The following NME9 variants were observed in gnomAD, a reference collection of about 807,000 sequenced individuals.
NME9 encodes NME/NM23 family member 9, also known as thioredoxin domain-containing protein 6.
Under a neutral mutation model 44.4 loss-of-function variants are expected in NME9, and 48 were observed. That is an observed-to-expected ratio of 1.08 (90% confidence interval 0.86 to 1.37). The LOEUF is 1.37. Ranked by LOEUF, NME9 falls within the 40% of genes most tolerant of loss-of-function variation. The pLI, the probability that NME9 is intolerant of heterozygous loss-of-function variation, is 0.00. For synonymous variants in NME9, 139 were observed against 147.1 expected, an observed-to-expected ratio of 0.94 and a Z score of 0.40; for missense variants, 325 against 405.2, an observed-to-expected ratio of 0.80 and a Z score of 1.70.
chr3:138,270,286 G>T (rs1167752822), intron 8 of NME9, among the ~76,000 whole-genome samples: 1 of 152,104 alleles, frequency 6.6e-6, no homozygotes, highest in Admixed American at 6.5e-5. Context: ...GACCTAGAAG[G>T]CTTAGTATTA....
At chr3:138,308,390 C>T (rs116555642) in intron 6 of NME9, among the ~76,000 whole-genome samples, 7,051 of 152,044 alleles carry the variant, frequency 0.046, 233 homozygotes, top group Middle Eastern at 0.082. Flanking sequence ...CAAGAGACAC[C>T]GTCCCAGCAA....
At chr3:138,270,013 ATT>A (rs112482442) in intron 8 of NME9, 2 of 1,420,848 alleles carry the variant, frequency 1.4e-6, no homozygotes, top group South Asian at 1.2e-5. Flanking sequence ...TAAAGCTGTG[ATT>A]TTTTTTTTCC....
intron 10 of NME9, 103 bp downstream of exon 10, chr3:138,303,404 C>A: frequency 1.1e-6 from 1 of 869,808 alleles, no homozygotes. Context: ...AGGTTGAAGA[C>A]TTAGTTACCA....
intron 8 of NME9, chr3:138,289,175 C>A: frequency 7.1e-7 from 1 of 1,411,848 alleles, no homozygotes; most frequent in Non-Finnish European, 9.9e-7. Flanking sequence ...GTGTCTTGCA[C>A]AGGGAAGCTA....
chr3:138,278,469 A>G (rs1263866654), intron 8 of NME9, among the ~76,000 whole-genome samples: 1 of 151,774 alleles, frequency 6.6e-6, no homozygotes, highest in Non-Finnish European at 1.5e-5. Context: ...ACACCACTGC[A>G]CTCCAGCCTG....
At position 138,322,485 on chromosome 3, in the gene NME9, G is replaced by GGTGTGTGT. The variant is rs10580643; in HGVS notation, c.91+2380_91+2387dup. ...AGGAATGGCAGAGACAAGAAAAAGGGGTGTGTGTGTGTGTGTGTGTGTGTG... is the reference window on the plus strand; with the variant it reads ...AGGAATGGCAGAGACAAGAAAAAGGGGTGTGTGTGTGTGTGTGTGTGTGTGTGTGTGTG... On this transcript the variant is annotated intron_variant, in intron 2 of 10. Coordinates refer to ENST00000333911, the MANE Select transcript of NME9 (RefSeq NM_001349018.2). 1.5e-3 allele frequency among the ~76,000 whole-genome samples: 218 copies of GGTGTGTGT among 146,426 alleles called. 1 individual carries two copies. Among genetic ancestry groups the GGTGTGTGT allele is most frequent in the African/African-American group, 4.5e-3 (179 of 39,816 alleles).
At chr3:138,309,057 G>A (rs1447860354) in intron 6 of NME9, among the ~76,000 whole-genome samples, 1 of 151,970 alleles carries the variant, frequency 6.6e-6, no homozygotes, top group Non-Finnish European at 1.5e-5. Flanking sequence ...TTGGGAGGCT[G>A]AGGTGGGCAG....
At position 138,301,012 on chromosome 3, in the gene NME9, G is replaced by C. The variant is rs754783306; in HGVS notation, c.*628C>G. On this transcript the variant is annotated 3_prime_UTR_variant, in exon 11 of 11. Coordinates refer to ENST00000333911, the MANE Select transcript of NME9 (RefSeq NM_001349018.2). ...GTTCTAAAATTGTTTAATTCATAAG[G>C]TAGATTTATTGTTGGGGAAACACCA... The C allele has an allele frequency of 6.2e-6, 6 of 965,222 alleles. No homozygotes were observed. The highest frequency in any genetic ancestry group is 7.4e-6 in the Non-Finnish European group (6 of 811,614). The allele number at this position is 965,222 out of a possible 1,614,324, so 59.8% of individuals were successfully genotyped here. A position where few individuals can be genotyped will look rare whatever the true frequency, so the allele number is the denominator to read the frequency against.
At chr3:138,270,555 AT>A (rs1011090786) in intron 8 of NME9, among the ~76,000 whole-genome samples, 8 of 152,060 alleles carry the variant, frequency 5.3e-5, no homozygotes, top group African/African-American at 1.4e-4. Context: ...CAGAATGATT[AT>A]TTTTTTTAAT....
At chr3:138,278,407 G>A (rs1026037067) in intron 8 of NME9, among the ~76,000 whole-genome samples, 2 of 152,002 alleles carry the variant, frequency 1.3e-5, no homozygotes, top group African/African-American at 2.4e-5. Flanking sequence ...GGGAGGCTGA[G>A]GCAGGAGAAT....
chr3:138,329,127 G>A (rs2053970069), intron 1 of NME9, among the ~76,000 whole-genome samples, 176 bp downstream of exon 1: 1 of 152,170 alleles, frequency 6.6e-6, no homozygotes, highest in South Asian at 2.1e-4. Context: ...CATCACTGGG[G>A]TTCCAAGATA....
intron 8 of NME9, among the ~76,000 whole-genome samples, chr3:138,266,248 T>C (rs1233646875): frequency 3.3e-5 from 5 of 152,094 alleles, no homozygotes; most frequent in Admixed American, 6.6e-5. Flanking sequence ...TGAACCTCAT[T>C]AAGAGCCCCA....
intron 8 of NME9, among the ~76,000 whole-genome samples, chr3:138,277,679 A>G (rs1347279923): frequency 6.6e-6 from 1 of 152,244 alleles, no homozygotes; most frequent in East Asian, 1.9e-4. Flanking sequence ...GATGCAGAGC[A>G]TCTAGTGGAA....
At chr3:138,285,904 C>T (rs2050360159) in intron 8 of NME9, among the ~76,000 whole-genome samples, 1 of 152,148 alleles carries the variant, frequency 6.6e-6, no homozygotes, top group African/African-American at 2.4e-5. Flanking sequence ...TTCTCATACC[C>T]ATCGAGACAT....
At chr3:138,291,537 G>A (rs191591979) in intron 8 of NME9, among the ~76,000 whole-genome samples, 39 of 152,268 alleles carry the variant, frequency 2.6e-4, no homozygotes, top group Admixed American at 1.5e-3. Flanking sequence ...CTTTGCCCTC[G>A]TGTAACTTAC....
chr3:138,262,704 G>T, intron 8 of NME9: 2 of 1,050,980 alleles, frequency 1.9e-6, no homozygotes, highest in Non-Finnish European at 1.3e-6. Context: ...ATCTCCCCAG[G>T]TAATTCTTCT....
rs760589296 is a variant in NME9, at chr3:138,314,324, G to A, written c.460+8C>T. Reference sequence around the variant, plus strand: ...CTTTTTTCCCTTGCTCATTGGTTCTGCACTCACCCATGTCCTCATCTTCAC... The same window carrying A: ...CTTTTTTCCCTTGCTCATTGGTTCTACACTCACCCATGTCCTCATCTTCAC... On this transcript the variant is annotated splice_region_variant and intron_variant, in intron 6 of 10. Transcript: ENST00000333911. 8 of 1,568,438 alleles carry A rather than the reference G, an allele frequency of 5.1e-6. No homozygotes were observed. In the East Asian group the frequency reaches 1.8e-4, roughly 35 times the overall value.
intron 8 of NME9, among the ~76,000 whole-genome samples, chr3:138,267,837 A>G (rs113560904): frequency 2.6e-5 from 4 of 152,340 alleles, no homozygotes; most frequent in African/African-American, 9.6e-5. Flanking sequence ...GATCTGCCCA[A>G]TTATGAACTC....
At chr3:138,320,677 T>C (rs1347038400) in intron 2 of NME9, among the ~76,000 whole-genome samples, 1 of 152,182 alleles carries the variant, frequency 6.6e-6, no homozygotes, top group East Asian at 1.9e-4. Context: ...CATGAAGAGA[T>C]GACCTGCACT....
Sources: allele counts gnomAD v4.1 joint callset (sites outside exome capture counted in the v4.1 genomes callset), GRCh38; gene constraint gnomAD v4.1.1; transcripts MANE v1.5; gene names NCBI Gene and HGNC (gene_info 2026-07-23, HGNC 2026-07-21).